Variants in FYB1 observed in about 807,000 individuals in gnomAD.
The protein encoded by FYB1 is FYN binding protein 1.
In FYB1, 41 loss-of-function variants were observed where a neutral mutation model predicts 94.1. That is an observed-to-expected ratio of 0.44 (90% CI 0.34 to 0.57). The LOEUF (loss-of-function observed/expected upper bound fraction) is 0.57, where lower values mean the gene tolerates loss of function less well. Among genes scored for constraint, FYB1 ranks in the 20% least tolerant of loss-of-function variants. The probability of loss-of-function intolerance (pLI) is 0.02; values close to 1 mark genes in which losing one functional copy is unlikely to be tolerated. For missense variants in FYB1, 1,050 were observed against 976.8 expected, an observed-to-expected ratio of 1.07 and a Z score of -1.00; for synonymous variants, 367 against 353.2, an observed-to-expected ratio of 1.04 and a Z score of -0.44.
intron 2 of FYB1, among the ~76,000 whole-genome samples, chr5:39,194,733 G>C (rs1304548766): frequency 2.6e-5 from 4 of 152,140 alleles, no homozygotes; most frequent in African/African-American, 9.7e-5. Context: ...AATTTGACCA[G>C]GGACAGTGTG....
chr5:39,247,099 TA>T (rs1751512788), intron 1 of FYB1, among the ~76,000 whole-genome samples: 1 of 141,990 alleles, frequency 7.0e-6, no homozygotes, highest in African/African-American at 2.6e-5. Context: ...TATATATATA[TA>T]TATATATATA....
chr5:39,156,372 T>A (rs75836152), intron 2 of FYB1, among the ~76,000 whole-genome samples: 8,218 of 152,178 alleles, frequency 0.054, 722 homozygotes, highest in African/African-American at 0.19. Flanking sequence ...GGGGTCCTCC[T>A]TGAGTTGCCA....
At chr5:39,168,398 AG>A (rs558131349) in intron 2 of FYB1, among the ~76,000 whole-genome samples, 5 of 152,196 alleles carry the variant, frequency 3.3e-5, no homozygotes, top group Non-Finnish European at 7.3e-5. Flanking sequence ...TTAATGAAAA[AG>A]TTATTCTTCC....
At chr5:39,218,744 C>A (rs1174367356) in intron 1 of FYB1, among the ~76,000 whole-genome samples, 1 of 152,090 alleles carries the variant, frequency 6.6e-6, no homozygotes, top group Non-Finnish European at 1.5e-5. Flanking sequence ...TACTTCCCTG[C>A]AAATCAAGTT....
intron 2 of FYB1, among the ~76,000 whole-genome samples, chr5:39,194,514 C>T (rs1012929362): frequency 6.6e-6 from 1 of 150,920 alleles, no homozygotes; most frequent in African/African-American, 2.4e-5. Flanking sequence ...CAAAGCAAGA[C>T]CCTGTCTCAA....
chr5:39,225,096 C>A (rs1419985442), intron 1 of FYB1, among the ~76,000 whole-genome samples: 2 of 152,146 alleles, frequency 1.3e-5, no homozygotes, highest in African/African-American at 2.4e-5. Context: ...ATCCTTTAGT[C>A]TCTTCCTGAT....
intron 1 of FYB1, among the ~76,000 whole-genome samples, chr5:39,235,555 C>A (rs1193078863): frequency 6.8e-6 from 1 of 147,742 alleles, no homozygotes; most frequent in African/African-American, 2.6e-5. Context: ...CCAATTAAAT[C>A]TAATTAAATC....
chr5:39,194,596 C>T (rs1181833015), intron 2 of FYB1, among the ~76,000 whole-genome samples: 2 of 152,006 alleles, frequency 1.3e-5, no homozygotes, highest in African/African-American at 4.8e-5. Flanking sequence ...GGATATCTTG[C>T]ATTAAAAAAG....
At chr5:39,153,104 G>A (rs371313419) in intron 3 of FYB1, among the ~76,000 whole-genome samples, 2 of 152,210 alleles carry the variant, frequency 1.3e-5, no homozygotes, top group South Asian at 2.1e-4. Context: ...GGTGGTGATC[G>A]TGATAGTGGA....
intron 7 of FYB1, chr5:39,137,290 C>T (rs79478719): frequency 4.1e-6 from 1 of 245,670 alleles, no homozygotes; most frequent in Non-Finnish European, 7.9e-6. Flanking sequence ...TATAAGTAGG[C>T]TAATATGAAA....
intron 1 of FYB1, among the ~76,000 whole-genome samples, chr5:39,249,916 G>T (rs1751644015): frequency 6.6e-6 from 1 of 152,154 alleles, no homozygotes; most frequent in Non-Finnish European, 1.5e-5. Flanking sequence ...CCCATGTGTT[G>T]AGGAAAGGAC....
intron 1 of FYB1, among the ~76,000 whole-genome samples, chr5:39,240,138 T>A (rs563730201): frequency 2.0e-5 from 3 of 152,266 alleles, no homozygotes; most frequent in South Asian, 4.1e-4. Flanking sequence ...AGATTGAAGC[T>A]GAACCCCTCC....
intron 2 of FYB1, among the ~76,000 whole-genome samples, chr5:39,183,624 T>C (rs967646996): frequency 1.3e-5 from 2 of 152,228 alleles, no homozygotes; most frequent in Admixed American, 1.3e-4. Flanking sequence ...ATATCTCTAT[T>C]CTTCCATTCC....
intron 1 of FYB1, among the ~76,000 whole-genome samples, chr5:39,225,565 A>G (rs983652655): frequency 2.0e-5 from 3 of 152,222 alleles, no homozygotes; most frequent in African/African-American, 4.8e-5. Flanking sequence ...ATGCTGCCCA[A>G]TTCATGAATT....
At chr5:39,203,949 T>C (rs1748610749) in intron 1 of FYB1, among the ~76,000 whole-genome samples, 1 of 152,148 alleles carries the variant, frequency 6.6e-6, no homozygotes, top group Non-Finnish European at 1.5e-5. Context: ...GAGTTTAAAT[T>C]TTTAGTTCTT....
intron 1 of FYB1, among the ~76,000 whole-genome samples, chr5:39,217,406 G>C (rs866972911): frequency 1.3e-5 from 2 of 152,154 alleles, no homozygotes; most frequent in African/African-American, 4.8e-5. Flanking sequence ...CTCATCCTCT[G>C]AGCTTTCCAC....
At chr5:39,120,564 G>C (rs930030358) in intron 14 of FYB1, among the ~76,000 whole-genome samples, 2 of 152,032 alleles carry the variant, frequency 1.3e-5, no homozygotes, top group Non-Finnish European at 2.9e-5. Context: ...CAAGGTCCAG[G>C]TAGTGCTAGA....
chr5:39,259,889 T>C (rs1204098180), intron 1 of FYB1, among the ~76,000 whole-genome samples: 2 of 152,206 alleles, frequency 1.3e-5, no homozygotes, highest in Non-Finnish European at 2.9e-5. Flanking sequence ...TGAGCAACTT[T>C]CCTGGTCTGT....
chr5:39,254,265 C>T (rs564760191), intron 1 of FYB1, among the ~76,000 whole-genome samples: 28 of 152,234 alleles, frequency 1.8e-4, no homozygotes, highest in Admixed American at 9.2e-4. Context: ...TTTGAGGAAT[C>T]GCCATACTGT....
Sources: gnomAD v4.1 joint callset for allele counts (sites outside exome capture counted in the v4.1 genomes callset) on GRCh38, gnomAD v4.1.1 for gene constraint, MANE v1.5 for transcripts, NCBI Gene and HGNC (gene_info 2026-07-23, HGNC 2026-07-21) for gene names.